Variants in LCLAT1 observed in about 807,000 individuals in gnomAD.
LCLAT1 encodes the protein 1-AGP acyltransferase 8.
A neutral mutation model predicts 30.7 loss-of-function variants in LCLAT1; 11 were observed. The ratio of observed to expected loss-of-function variants is 0.36; its 90% CI spans 0.23 to 0.59. The LOEUF is 0.59. Among genes scored for constraint, LCLAT1 ranks in the 20% least tolerant of loss-of-function variants. The pLI is 0.77. For synonymous variants in LCLAT1, 155 were observed against 151.3 expected (o/e 1.02, Z -0.18); for missense variants, 402 against 458.6 (o/e 0.88, Z 1.13).
chr2:30,448,704 G>A (rs1681390761), intron 1 of LCLAT1, among the ~76,000 whole-genome samples: 1 of 152,178 alleles, frequency 6.6e-6, no homozygotes, highest in Non-Finnish European at 1.5e-5. Flanking sequence ...AGGAAGCAAT[G>A]GGGAAAACCC....
chr2:30,471,064 C>G (rs897117371), intron 1 of LCLAT1, among the ~76,000 whole-genome samples: 22 of 151,278 alleles, frequency 1.5e-4, no homozygotes, highest in South Asian at 6.3e-4. Context: ...AGGCGCCCAC[C>G]ACCACGCCTG....
chr2:30,459,213 A>G (rs1477358236), intron 1 of LCLAT1, among the ~76,000 whole-genome samples: 2 of 152,042 alleles, frequency 1.3e-5, no homozygotes, highest in African/African-American at 2.4e-5. Flanking sequence ...TTGGGTTGGG[A>G]TCTAGGCTGT....
chr2:30,501,942 T>A (rs1247574335), intron 1 of LCLAT1, among the ~76,000 whole-genome samples: 1 of 152,248 alleles, frequency 6.6e-6, no homozygotes, highest in Non-Finnish European at 1.5e-5. Context: ...GTGATATGTA[T>A]ATCAGTGATG....
chr2:30,631,922 G>A (rs1333901593), intron 5 of LCLAT1, among the ~76,000 whole-genome samples: 1 of 152,158 alleles, frequency 6.6e-6, no homozygotes, highest in Non-Finnish European at 1.5e-5. Flanking sequence ...CAGATTTTCA[G>A]TGATCTATTA....
At chr2:30,523,263 G>A (rs1047475259) in intron 1 of LCLAT1, among the ~76,000 whole-genome samples, 7 of 106,402 alleles carry the variant, frequency 6.6e-5, no homozygotes, top group African/African-American at 2.8e-4. Context: ...TAAGATGTTC[G>A]TAGGTTTTTT....
At chr2:30,449,260 T>G (rs1355758129) in intron 1 of LCLAT1, among the ~76,000 whole-genome samples, 1 of 152,176 alleles carries the variant, frequency 6.6e-6, no homozygotes. Context: ...AAATTTTTCA[T>G]TTTTAATATA....
At chr2:30,475,765 T>C (rs1683014079) in intron 1 of LCLAT1, among the ~76,000 whole-genome samples, 1 of 152,170 alleles carries the variant, frequency 6.6e-6, no homozygotes, top group Non-Finnish European at 1.5e-5. Context: ...AATTCAGCCT[T>C]TCAGAAATAT....
intron 1 of LCLAT1, chr2:30,459,450 C>T (rs1681991544): frequency 1.5e-6 from 1 of 657,382 alleles, no homozygotes; most frequent in South Asian, 1.8e-5. Context: ...TTTCAGGTCC[C>T]TGGGCCCGTA....
At chr2:30,460,003 T>A (rs1682031852) in intron 1 of LCLAT1, among the ~76,000 whole-genome samples, 1 of 152,236 alleles carries the variant, frequency 6.6e-6, no homozygotes, top group South Asian at 2.1e-4. Flanking sequence ...GGATCTTTAT[T>A]TTAAAGATTA....
chr2:30,572,674 C>T (rs1665834211), intron 5 of LCLAT1, among the ~76,000 whole-genome samples: 1 of 151,804 alleles, frequency 6.6e-6, no homozygotes, highest in Non-Finnish European at 1.5e-5. Context: ...AAGAAGCTTA[C>T]AGTTTTTCAA....
Position 30,516,514 on chromosome 2 carries a change from G to A in LCLAT1, c.-4-9073G>A, listed in dbSNP as rs146540867. On this transcript the variant is annotated intron_variant, in intron 1 of 5. Coordinates refer to ENST00000379509, the MANE Select transcript of LCLAT1 (RefSeq NM_001002257.3). ...ATCCTAGTAGAGCTGAACACTAGTC[G>A]CTGGGTTCCACGGTTCTGTTCTGTG... Among the ~76,000 whole-genome samples, 1,055 of 152,202 alleles carry A rather than the reference G, an allele frequency of 6.9e-3. 11 individuals carry two copies. The highest frequency in any genetic ancestry group is 0.024 in the African/African-American group (1,002 of 41,516).
chr2:30,549,733 T>C (rs1046417964), intron 3 of LCLAT1, among the ~76,000 whole-genome samples: 2 of 152,202 alleles, frequency 1.3e-5, no homozygotes, highest in African/African-American at 2.4e-5. Flanking sequence ...TGTGCAGGTA[T>C]TTTAAAAGAG....
At chr2:30,562,124 T>C in intron 3 of LCLAT1, 22 bp from the exon 4 acceptor site, 1 of 1,562,658 alleles carries the variant, frequency 6.4e-7, no homozygotes, top group Non-Finnish European at 8.7e-7. Flanking sequence ...ATAGGTAAAT[T>C]TTATTGTTAA....
chr2:30,461,044 T>A (rs952565205), intron 1 of LCLAT1, among the ~76,000 whole-genome samples: 8 of 152,120 alleles, frequency 5.3e-5, no homozygotes, highest in Non-Finnish European at 7.3e-5. Context: ...AATGAAACTG[T>A]GATTGTATAG....
At chr2:30,520,764 C>T (rs148138910) in intron 1 of LCLAT1, among the ~76,000 whole-genome samples, 1 of 152,194 alleles carries the variant, frequency 6.6e-6, no homozygotes, top group African/African-American at 2.4e-5. Context: ...TAAATATTGT[C>T]AGATTTTTAT....
At chr2:30,501,548 G>A (rs991525007) in intron 1 of LCLAT1, among the ~76,000 whole-genome samples, 13 of 152,018 alleles carry the variant, frequency 8.6e-5, no homozygotes, top group Admixed American at 3.9e-4. Flanking sequence ...GGTGCCCCAC[G>A]CCTGTGGTCC....
chr2:30,519,085 A>G (rs543764178), intron 1 of LCLAT1, among the ~76,000 whole-genome samples: 1 of 152,332 alleles, frequency 6.6e-6, no homozygotes, highest in Non-Finnish European at 1.5e-5. Flanking sequence ...TAGGGCTAAA[A>G]TTATCCAAAG....
rs572491435 is a variant in LCLAT1 at position 30,488,002 on chromosome 2, T to C, written c.-4-37585T>C. 2.6e-5 allele frequency among the ~76,000 whole-genome samples: 4 copies of C among 152,312 alleles called. No individual in the cohort carries two copies. The East Asian group carries it at 7.7e-4, about 29-fold the overall frequency. ...ATTCCTCTGAATATACCAAAAACCATGGAGTTGTACACTTTTAAATGTGTG... is the reference window on the plus strand; with the variant it reads ...ATTCCTCTGAATATACCAAAAACCACGGAGTTGTACACTTTTAAATGTGTG... On this transcript the variant is annotated intron_variant, in intron 1 of 5. Coordinates refer to ENST00000379509, the MANE Select transcript of LCLAT1 (RefSeq NM_001002257.3).
chr2:30,592,100 A>G (rs1227588282), intron 5 of LCLAT1, among the ~76,000 whole-genome samples: 5 of 152,214 alleles, frequency 3.3e-5, no homozygotes, highest in Admixed American at 3.3e-4. Context: ...ATGTGAATGA[A>G]TGGATACTGT....
Sources: allele counts gnomAD v4.1 joint callset (sites outside exome capture counted in the v4.1 genomes callset), GRCh38; gene constraint gnomAD v4.1.1; transcripts MANE v1.5; gene names NCBI Gene and HGNC (gene_info 2026-07-23, HGNC 2026-07-21).